Variants in SFMBT2 observed in about 807,000 individuals in gnomAD.
SFMBT2 encodes the protein Scm like with four mbt domains 2, also known as scm-like with four MBT domains protein 2.
Under a neutral mutation model 110.1 loss-of-function variants are expected in SFMBT2, and 38 were observed. That is an observed-to-expected ratio of 0.35 (90% CI 0.27 to 0.45). The LOEUF is 0.45. Among genes scored for constraint, SFMBT2 ranks in the 20% least tolerant of loss-of-function variants. The pLI is 1.00. For missense variants in SFMBT2, 1,011 were observed against 1,094.9 expected (o/e 0.92, Z 1.08); for synonymous variants, 425 against 425.4 (o/e 1.00, Z 0.01).
In SFMBT2 at chr10:7,172,479, C is replaced by T. The variant is rs751050121; in HGVS notation, c.2151+16G>A. On this transcript the variant is annotated intron_variant, in intron 18 of 20. Coordinates refer to ENST00000397167, the MANE Select transcript of SFMBT2 (RefSeq NM_001387889.1). This position sits in a 1 kb window ranked among gnomAD's most constrained non-coding sequence, Gnocchi z 4.6. ...GACAGAGCTACAGGCTGGCAGGTGCCCCGGGCAGAACATACCTCCCCCGAG... is the reference window on the plus strand; with the variant it reads ...GACAGAGCTACAGGCTGGCAGGTGCTCCGGGCAGAACATACCTCCCCCGAG... 3.8e-5 allele frequency: 61 copies of T among 1,613,020 alleles called. No individual in the cohort carries two copies. Among genetic ancestry groups the T allele is most frequent in the Middle Eastern group, 3.7e-4 (2 of 5,372 alleles).
chr10:7,365,372 T>C (rs2767699), intron 4 of SFMBT2, among the ~76,000 whole-genome samples: 36,992 of 152,174 alleles, frequency 0.24, 5,719 homozygotes, highest in African/African-American at 0.44. Context: ...CTATTTCAGA[T>C]GACCATGTAA....
chr10:7,386,969 A>G (rs1845625478), intron 1 of SFMBT2, among the ~76,000 whole-genome samples: 2 of 152,214 alleles, frequency 1.3e-5, no homozygotes, highest in African/African-American at 4.8e-5. Flanking sequence ...AACTGGCTCC[A>G]GAAACCACGC....
rs190171129 is a variant in SFMBT2, at chr10:7,370,278, T to C, written c.195+3A>G. On this transcript the variant is annotated splice_donor_region_variant and intron_variant, in intron 3 of 20. Coordinates refer to ENST00000397167, the MANE Select transcript of SFMBT2 (RefSeq NM_001387889.1). The stretch of plus-strand genomic sequence containing the variant: ...CAGAGAAGACACAAGCTGCTTTACA[T>C]ACGTGTTTGAATGATGTGTGGGGAG... 22 of 1,612,754 alleles carry C rather than the reference T, an allele frequency of 1.4e-5. No homozygotes were observed. The East Asian group carries it at 1.6e-4, about 11-fold the overall frequency.
At chr10:7,356,463 T>C (rs1466856952) in intron 4 of SFMBT2, among the ~76,000 whole-genome samples, 1 of 152,336 alleles carries the variant, frequency 6.6e-6, no homozygotes, top group African/African-American at 2.4e-5. Flanking sequence ...TCACCCAGGA[T>C]GGAGTGCAGT....
In SFMBT2 at chr10:7,369,432, A is replaced by G. The variant is rs185341704; in HGVS notation, c.195+849T>C. ...CTTTTCCCTGCTAATGATATTATAC[A>G]TTACCAGTATCTTACACCAAAGCGA... is the stretch of plus-strand genomic sequence containing the variant. On this transcript the variant is annotated intron_variant, in intron 3 of 20. Coordinates refer to ENST00000397167, the MANE Select transcript of SFMBT2 (RefSeq NM_001387889.1). Among the ~76,000 whole-genome samples the G allele has an allele frequency of 1.7e-3, 254 of 152,344 alleles. 3 individuals are homozygous for G. Among genetic ancestry groups the G allele is most frequent in the African/African-American group, 5.6e-3 (233 of 41,578 alleles).
intron 4 of SFMBT2, chr10:7,329,563 C>T: frequency 1.0e-6 from 1 of 958,874 alleles, no homozygotes; most frequent in Non-Finnish European, 1.2e-6. Flanking sequence ...TGCCCTAGCG[C>T]CCAGGGGCCA....
chr10:7,258,999 G>A (rs912044520), intron 7 of SFMBT2, among the ~76,000 whole-genome samples: 1 of 152,216 alleles, frequency 6.6e-6, no homozygotes, highest in Non-Finnish European at 1.5e-5. Context: ...TTAAAAAATA[G>A]TAATGAGAAA....
chr10:7,397,948 G>A (rs922795448), intron 1 of SFMBT2, among the ~76,000 whole-genome samples: 19 of 152,154 alleles, frequency 1.2e-4, no homozygotes, highest in African/African-American at 3.6e-4. Context: ...CTGATTGTTC[G>A]GGGCAGGAGT....
chr10:7,205,556 G>A (rs1839102629), intron 12 of SFMBT2: 1 of 985,352 alleles, frequency 1.0e-6, no homozygotes, highest in African/African-American at 1.7e-5. Flanking sequence ...AAAAAACTGA[G>A]AGTGATGATT....
chr10:7,203,925 CG>C (rs1208363172), intron 12 of SFMBT2: 1 of 156,832 alleles, frequency 6.4e-6, no homozygotes, highest in Non-Finnish European at 1.4e-5. Flanking sequence ...CCATGCTGGC[CG>C]GGCTGGTCTC....
At chr10:7,383,274 C>T (rs921643379) in intron 1 of SFMBT2, among the ~76,000 whole-genome samples, 1 of 152,026 alleles carries the variant, frequency 6.6e-6, no homozygotes, top group African/African-American at 2.4e-5. Context: ...GAGGCTGAGG[C>T]GGGAGGATCA....
At chr10:7,211,574 C>T (rs888821106) in intron 11 of SFMBT2, among the ~76,000 whole-genome samples, 1 of 152,132 alleles carries the variant, frequency 6.6e-6, no homozygotes, top group African/African-American at 2.4e-5. Flanking sequence ...ACACCTGTGG[C>T]GGGATTAAAC....
At chr10:7,218,304 G>A (rs1015249715) in intron 11 of SFMBT2, among the ~76,000 whole-genome samples, 4 of 152,126 alleles carry the variant, frequency 2.6e-5, no homozygotes, top group Non-Finnish European at 5.9e-5. Flanking sequence ...AATAATGAGA[G>A]CTAAGTGCCA....
At chr10:7,211,313 C>T (rs1374430703) in intron 11 of SFMBT2, among the ~76,000 whole-genome samples, 1 of 152,124 alleles carries the variant, frequency 6.6e-6, no homozygotes, top group East Asian at 1.9e-4. Context: ...CAACCCCAGA[C>T]CTGCAGGCAG....
intron 10 of SFMBT2, among the ~76,000 whole-genome samples, chr10:7,226,636 C>T (rs1039576573): frequency 6.6e-6 from 1 of 152,218 alleles, no homozygotes; most frequent in African/African-American, 2.4e-5. Context: ...GTAGACTATA[C>T]ATTTAAGCCT....
intron 10 of SFMBT2, among the ~76,000 whole-genome samples, chr10:7,226,537 CTGT>C (rs139487422): frequency 0.011 from 1,725 of 152,352 alleles, 36 homozygotes; most frequent in African/African-American, 0.039. Context: ...GTGCTTTGCA[CTGT>C]TGTTACAGAT....
At position 7,367,662 on chromosome 10, in the gene SFMBT2, C is replaced by G; in HGVS notation, c.423G>C (p.Leu141Phe). The G allele has an allele frequency of 6.2e-7, 1 of 1,610,662 alleles. No homozygotes were observed. The highest frequency in any genetic ancestry group is 8.5e-7 in the Non-Finnish European group (1 of 1,177,680). The stretch of plus-strand genomic sequence containing the variant: ...ACAGGGGCTCACCGTCCGGCGGCAT[C>G]AACACCTTGTTGTTCTGTGTGCACC... ...VGWCTQNNKV[L>F]MPPDAIKEKY... is the part of the protein sequence containing the mutation. The change falls in exon 4 of 21, where the codon TTG becomes TTC. Residue 141 changes from leucine to phenylalanine, a missense_variant. By Grantham distance (22) the Leu-to-Phe change is conservative. This residue lies in a region of SFMBT2 where 979 missense variants were observed against 1,016.1 expected (regional missense o/e 0.96). Coordinates refer to ENST00000397167, the MANE Select transcript of SFMBT2 (RefSeq NM_001387889.1). This position sits in a 1 kb window ranked among gnomAD's most constrained non-coding sequence, Gnocchi z 6.2.
chr10:7,371,367 TC>T (rs1042984991), intron 2 of SFMBT2, among the ~76,000 whole-genome samples: 10 of 152,160 alleles, frequency 6.6e-5, no homozygotes, highest in African/African-American at 2.2e-4. Flanking sequence ...CCTCAGGTGA[TC>T]CACCTGCCTC....
chr10:7,370,465 C>G, intron 2 of SFMBT2, 90 bp from the exon 3 acceptor site: 1 of 1,068,180 alleles, frequency 9.4e-7, no homozygotes, highest in Non-Finnish European at 1.4e-6. Context: ...ATCCTTCATA[C>G]AAGACACAAG....
Sources: gnomAD v4.1 joint callset for allele counts (sites outside exome capture counted in the v4.1 genomes callset) on GRCh38, gnomAD v4.1.1 for gene constraint, gnomAD v4.1.1 regional missense constraint, Gnocchi (gnomAD v3.1) non-coding constraint, MANE v1.5 for transcripts, NCBI Gene and HGNC (gene_info 2026-07-23, HGNC 2026-07-21) for gene names.